The following MYOM3 variants were observed in gnomAD, a reference collection of about 807,000 sequenced individuals.
The protein encoded by MYOM3 is myomesin-3.
A neutral mutation model predicts 191.7 loss-of-function variants in MYOM3; 155 were observed. That is an observed-to-expected ratio of 0.81 (90% confidence interval 0.71 to 0.92). The LOEUF is 0.92. Ranked by LOEUF, MYOM3 falls within the 40% of genes least tolerant of loss-of-function variation. MYOM3 has a pLI of 0.00. For synonymous variants in MYOM3, 757 were observed against 762.9 expected (o/e 0.99, Z 0.13); for missense variants, 1,889 against 1,890.6 (o/e 1.00, Z 0.02).
chr1:24,070,478 C>T (rs1410661603), intron 25 of MYOM3, among the ~76,000 whole-genome samples: 1 of 151,792 alleles, frequency 6.6e-6, no homozygotes, highest in African/African-American at 2.4e-5. Context: ...GTCCCAACTA[C>T]TCGGGAGGCT....
In MYOM3 at chr1:24,094,987, G is replaced by A. The variant is rs562930635; in HGVS notation, c.794C>T (p.Ser265Leu). The A allele has an allele frequency of 8.7e-6, 14 of 1,612,508 alleles. No homozygotes were observed. Among genetic ancestry groups the A allele is most frequent in the East Asian group, 2.2e-5 (1 of 44,876 alleles). Residue 265 changes from serine to leucine, a missense_variant, in exon 9 of 37, where the codon TCG (serine) becomes TTG (leucine). By Grantham distance (145) the Ser-to-Leu change is moderately radical. Coordinates refer to ENST00000374434, the MANE Select transcript of MYOM3 (RefSeq NM_152372.4). ...GAATTCCACGCTGGGGCCAAACGTC[G>A]ATCCTGGCGTGGGAATGAAATTTGG... is the stretch of plus-strand genomic sequence containing the variant. ...AGFDSEIFKR[S>L]TFGPSVEFTS...
intron 5 of MYOM3, among the ~76,000 whole-genome samples, chr1:24,102,896 G>C (rs1343724833): frequency 6.6e-6 from 1 of 152,162 alleles, no homozygotes; most frequent in African/African-American, 2.4e-5. Flanking sequence ...TAACAGGTGA[G>C]CTGGAATATT....
intron 5 of MYOM3, among the ~76,000 whole-genome samples, chr1:24,105,465 C>T (rs1436236600): frequency 1.3e-5 from 2 of 152,244 alleles, no homozygotes; most frequent in African/African-American, 2.4e-5. Context: ...TGCCTCTCAC[C>T]GTCATCCTCA....
In MYOM3 at chr1:24,074,246, G is replaced by C. The variant is rs1481234250; in HGVS notation, c.2882C>G (p.Pro961Arg). ...GTAGGTGCCCAAATCCTCGAGGCCG[G>C]GTTCTTTCAGGATGACCTTGGACCT... The part of the protein sequence containing the change: ...VNKSKVILKE[P>R]GLEDLGTYSV... Residue 961 changes from proline (P) to arginine (R), a missense_variant, in exon 23 of 37, where the codon CCC becomes CGC. Coordinates refer to ENST00000374434, the MANE Select transcript of MYOM3 (RefSeq NM_152372.4). 8.7e-6 allele frequency: 14 copies of C among 1,613,954 alleles called. No homozygotes were observed. The highest frequency in any genetic ancestry group is 1.7e-5 in the Admixed American group (1 of 59,998).
intron 15 of MYOM3, among the ~76,000 whole-genome samples, chr1:24,085,961 G>A (rs1287227886): frequency 6.6e-6 from 1 of 152,164 alleles, no homozygotes; most frequent in Non-Finnish European, 1.5e-5. Flanking sequence ...AGGTGGTACT[G>A]TAGCAAGGTT....
rs987113618 is a variant in MYOM3, at chr1:24,086,545, G to T, written c.1798+99C>A. On this transcript the variant is annotated intron_variant, in intron 15 of 36. Coordinates refer to ENST00000374434, the MANE Select transcript of MYOM3 (RefSeq NM_152372.4). ...TCAGCTTCATGATGGGTAGAAGGGA[G>T]CGGGGACAGGGAAGTGGGCAGGGCT... The T allele has an allele frequency of 3.2e-6, 4 of 1,232,494 alleles. No individual in the cohort carries two copies. In the African/African-American group the frequency reaches 4.5e-5, roughly 14 times the overall value. 76.3% of individuals were successfully genotyped at this position (1,232,494 alleles called of 1,614,324 possible).
chr1:24,087,488 T>G lies in MYOM3; in HGVS notation c.1615-661A>C, dbSNP rs1570874693. Among the ~76,000 whole-genome samples, 1 of 152,176 alleles carries G rather than the reference T, an allele frequency of 6.6e-6. No homozygotes were observed. Among genetic ancestry groups the G allele is most frequent in the East Asian group, 1.9e-4 (1 of 5,194 alleles). ...CTCGGCCTGTCTGGCCACCGTTCCC[T>G]CTGCCCTTAGTCTCTGTGCCTCTCT... On this transcript the variant is annotated intron_variant, in intron 14 of 36. Transcript: ENST00000374434. The surrounding 1 kb of genome is among the most constrained non-coding windows in gnomAD (Gnocchi z 4.5).
chr1:24,098,967 G>A (rs1342455304), intron 6 of MYOM3, among the ~76,000 whole-genome samples: 1 of 152,100 alleles, frequency 6.6e-6, no homozygotes, highest in Admixed American at 6.5e-5. Context: ...CCTGCGACAT[G>A]GGGTGCTTCC....
In MYOM3 at chr1:24,092,264, C is replaced by A; in HGVS notation, c.1142G>T (p.Cys381Phe). 7.1e-7 allele frequency: 1 copy of A among 1,399,524 alleles called. No individual in the cohort carries two copies. Among genetic ancestry groups the A allele is most frequent in the African/African-American group, 1.5e-5 (1 of 67,356 alleles). The allele number at this position is 1,399,524 out of a possible 1,614,324, so 86.7% of individuals were successfully genotyped here. A position where few individuals can be genotyped will look rare whatever the true frequency, so the allele number is the denominator to read the frequency against. The change falls in exon 11 of 37, where the codon TGC becomes TTC. Residue 381 changes from cysteine to phenylalanine, a missense_variant. Physicochemically the swap from Cys to Phe is radical, Grantham distance 205. Transcript: ENST00000374434. ...GAGGCAGTCTCTGTTCACATCCAGG[C>A]ATCGGACGTTCAGTGGGGAGCCTGG... ...GAPGSPLNVRCLDVNRDCLIL... is the reference protein window; with the variant it reads ...GAPGSPLNVRFLDVNRDCLIL...
rs528377266 is a variant in MYOM3, at chr1:24,088,840, T to G, written c.1614+698A>C. On this transcript the variant is annotated intron_variant, in intron 14 of 36. Coordinates refer to ENST00000374434, the MANE Select transcript of MYOM3 (RefSeq NM_152372.4). ...GACAGATCCCAGGGGTTGCTGGCTT[T>G]GGCTGTGGGCTGTGTTTTATTTCAT... Among the ~76,000 whole-genome samples, 3 of 152,344 alleles carry G rather than the reference T, an allele frequency of 2.0e-5. No homozygotes were observed. The South Asian group carries it at 6.2e-4, about 32-fold the overall frequency.
intron 10 of MYOM3, among the ~76,000 whole-genome samples, 182 bp from the exon 11 acceptor site, chr1:24,092,497 A>G (rs1235924891): frequency 6.6e-6 from 1 of 152,178 alleles, no homozygotes. Context: ...GAAGGATGAC[A>G]GTACCATTTC....
chr1:24,080,351 C>T (rs1158917745), intron 19 of MYOM3, among the ~76,000 whole-genome samples, 157 bp from the exon 20 acceptor site: 8 of 152,154 alleles, frequency 5.3e-5, no homozygotes, highest in Non-Finnish European at 2.9e-5. Flanking sequence ...AAGCCCGGGC[C>T]AACCTTGGCT....
chr1:24,078,749 C>T (rs1347846800), intron 20 of MYOM3, among the ~76,000 whole-genome samples: 1 of 151,928 alleles, frequency 6.6e-6, no homozygotes, highest in African/African-American at 2.4e-5. Flanking sequence ...TAGGTGTAGA[C>T]GCTATGGCCT....
intron 10 of MYOM3, 78 bp downstream of exon 10, chr1:24,092,869 A>G: frequency 1.5e-6 from 2 of 1,357,056 alleles, no homozygotes; most frequent in Non-Finnish European, 1.9e-6. Flanking sequence ...GTCCTTGCCT[A>G]AGGTTCCACA....
At position 24,061,097 on chromosome 1, in the gene MYOM3, T is replaced by C. The variant is rs1281994713; in HGVS notation, c.3972-15A>G. The C allele has an allele frequency of 6.2e-7, 1 of 1,613,758 alleles. No individual in the cohort carries two copies. Among genetic ancestry groups the C allele is most frequent in the Non-Finnish European group, 8.5e-7 (1 of 1,179,928 alleles). On this transcript the variant is annotated splice_polypyrimidine_tract_variant and intron_variant, in intron 34 of 36. Transcript: ENST00000374434. ...TGGCCAAGGTTCTGAAAAACAGAAA[T>C]GGGAACAAGGTGTGACATTCCACTT...
intron 25 of MYOM3, 135 bp from the exon 26 acceptor site, chr1:24,068,502 T>C: frequency 9.8e-7 from 1 of 1,024,918 alleles, no homozygotes; most frequent in South Asian, 1.5e-5. Flanking sequence ...GGCCGTTGGG[T>C]AACCCTCTGC....
intron 27 of MYOM3, 41 bp downstream of exon 27, chr1:24,067,929 C>A (rs766412137): frequency 1.3e-6 from 2 of 1,599,686 alleles, no homozygotes; most frequent in Non-Finnish European, 1.7e-6. Context: ...TAGCACGAAC[C>A]AGTGGCCAGG....
At chr1:24,066,833 C>G (rs140164126) in intron 28 of MYOM3, 188 bp downstream of exon 28, 1 of 559,186 alleles carries the variant, frequency 1.8e-6, no homozygotes, top group Non-Finnish European at 3.2e-6. Flanking sequence ...ACCCCATGGG[C>G]GCTGGGAAGG....
Position 24,063,223 on chromosome 1 carries a change from T to C in MYOM3, c.3673A>G (p.Thr1225Ala). The C allele has an allele frequency of 1.2e-6, 2 of 1,613,368 alleles. No individual in the cohort carries two copies. Among genetic ancestry groups the C allele is most frequent in the Non-Finnish European group, 8.5e-7 (1 of 1,179,528 alleles). The change falls in exon 32 of 37, where the codon ACT becomes GCT. Residue 1225 changes from threonine (T) to alanine (A), a missense_variant. Thr to Ala is a moderately conservative substitution (Grantham distance 58, BLOSUM62 0). Transcript: ENST00000374434. This position sits in a 1 kb window ranked among gnomAD's most constrained non-coding sequence, Gnocchi z 4.5. ...TCGGTCCCCTGGATTTTCAGTGGAGTTGCAGAGAGGGCTGGGGAGACAGAG... is the reference window on the plus strand; with the variant it reads ...TCGGTCCCCTGGATTTTCAGTGGAGCTGCAGAGAGGGCTGGGGAGACAGAG... ...ELGRIGALSA[T>A]PLKIQGTEEG...
Sources: allele counts gnomAD v4.1 joint callset (sites outside exome capture counted in the v4.1 genomes callset), GRCh38; gene constraint gnomAD v4.1.1; non-coding constraint Gnocchi (gnomAD v3.1); transcripts MANE v1.5; gene names NCBI Gene and HGNC (gene_info 2026-07-23, HGNC 2026-07-21).